The following SIPA1L3 variants were observed in gnomAD, a reference collection of about 807,000 sequenced individuals.
SIPA1L3 encodes signal-induced proliferation-associated 1-like protein 3.
In SIPA1L3, 59 loss-of-function variants were observed where a neutral mutation model predicts 150.1. The ratio of observed to expected loss-of-function variants is 0.39; its 90% CI spans 0.32 to 0.49. The LOEUF (loss-of-function observed/expected upper bound fraction) is 0.49. Ranked by LOEUF, SIPA1L3 falls within the 20% of genes least tolerant of loss-of-function variation. SIPA1L3 has a pLI of 0.86. For missense variants in SIPA1L3, 2,211 were observed against 2,489.5 expected, an observed-to-expected ratio of 0.89 and a Z score of 2.38; for synonymous variants, 1,070 against 1,077.6, an observed-to-expected ratio of 0.99 and a Z score of 0.14.
chr19:38,197,341 G>C (rs1426452386), intron 18 of SIPA1L3, among the ~76,000 whole-genome samples: 2 of 152,128 alleles, frequency 1.3e-5, no homozygotes, highest in Non-Finnish European at 2.9e-5. Context: ...CCCCAGGCCA[G>C]AGCCCGAGCC....
At chr19:38,066,488 T>C (rs1273604890) in intron 2 of SIPA1L3, among the ~76,000 whole-genome samples, 1 of 152,220 alleles carries the variant, frequency 6.6e-6, no homozygotes, top group East Asian at 1.9e-4. Context: ...CTGGTGTTAT[T>C]ATCAGAGAGA....
chr19:38,051,845 T>C (rs1034714949), intron 2 of SIPA1L3, among the ~76,000 whole-genome samples: 17 of 152,176 alleles, frequency 1.1e-4, no homozygotes, highest in Admixed American at 4.6e-4. Flanking sequence ...AGTGTTCCCG[T>C]CTTGGCCTCC....
chr19:37,959,724 TTCC>T (rs1299227795), intron 1 of SIPA1L3, among the ~76,000 whole-genome samples: 1 of 152,202 alleles, frequency 6.6e-6, no homozygotes, highest in East Asian at 1.9e-4. Context: ...CACATCTTTT[TTCC>T]TCCTTTTATT....
chr19:38,013,962 A>G (rs1160855435), intron 1 of SIPA1L3, among the ~76,000 whole-genome samples: 1 of 152,268 alleles, frequency 6.6e-6, no homozygotes, highest in Non-Finnish European at 1.5e-5. Flanking sequence ...TTGATGTAAA[A>G]TACAGCGACA....
chr19:37,943,032 CTCTTT>C (rs750642820), intron 1 of SIPA1L3, among the ~76,000 whole-genome samples: 1 of 114,576 alleles, frequency 8.7e-6, no homozygotes. Context: ...CTCTCTCTCT[CTCTTT>C]TTTTTTTTTT....
intron 18 of SIPA1L3, 41 bp from the exon 19 acceptor site, chr19:38,198,348 T>A (rs1973011456): frequency 1.4e-6 from 2 of 1,470,990 alleles, no homozygotes; most frequent in Non-Finnish European, 1.8e-6. Context: ...TCTCCCGCAT[T>A]GTCACACTCA....
intron 16 of SIPA1L3, among the ~76,000 whole-genome samples, chr19:38,190,297 C>A (rs1343267168): frequency 6.6e-6 from 1 of 152,146 alleles, no homozygotes; most frequent in Non-Finnish European, 1.5e-5. Flanking sequence ...GCAGGGCATT[C>A]TGGGAAATAT....
chr19:37,936,134 A>G (rs2046598258), intron 1 of SIPA1L3, among the ~76,000 whole-genome samples: 1 of 152,176 alleles, frequency 6.6e-6, no homozygotes, highest in African/African-American at 2.4e-5. Flanking sequence ...AAGAAGCCAA[A>G]GCCTTCCCTG....
At chr19:38,127,657 ATT>A (rs530786433) in intron 9 of SIPA1L3, among the ~76,000 whole-genome samples, 1 of 149,924 alleles carries the variant, frequency 6.7e-6, no homozygotes, top group Non-Finnish European at 1.5e-5. Context: ...TGCTCAGCTA[ATT>A]TTTTTTTTAT....
chr19:38,057,471 C>G (rs1599967024), intron 2 of SIPA1L3, among the ~76,000 whole-genome samples: 1 of 151,836 alleles, frequency 6.6e-6, no homozygotes, highest in South Asian at 2.1e-4. Context: ...ATCTGCATAG[C>G]CTATAGATGT....
intron 11 of SIPA1L3, 69 bp downstream of exon 11, chr19:38,141,504 C>T (rs1041727880): frequency 6.8e-7 from 1 of 1,468,436 alleles, no homozygotes; most frequent in African/African-American, 1.4e-5. Context: ...CCGCCCCTCC[C>T]TCTCCTCACT....
intron 1 of SIPA1L3, among the ~76,000 whole-genome samples, chr19:37,923,931 T>G: frequency 6.6e-6 from 1 of 151,946 alleles, no homozygotes; most frequent in Non-Finnish European, 1.5e-5. Flanking sequence ...CTAGTTTGTT[T>G]GTTGTTGTTG....
intron 15 of SIPA1L3, among the ~76,000 whole-genome samples, chr19:38,172,497 C>T (rs1295591041): frequency 6.6e-6 from 1 of 152,082 alleles, no homozygotes; most frequent in African/African-American, 2.4e-5. Context: ...GGAGGAAAGG[C>T]AAAAACAGCG....
At chr19:37,911,678 A>G (rs1337655888) in intron 1 of SIPA1L3, among the ~76,000 whole-genome samples, 1 of 151,144 alleles carries the variant, frequency 6.6e-6, no homozygotes, top group Non-Finnish European at 1.5e-5. Context: ...CGCCCGGCTA[A>G]TTTTTTGTAT....
At chr19:38,159,124 G>A (rs1343736104) in intron 13 of SIPA1L3, among the ~76,000 whole-genome samples, 1 of 152,234 alleles carries the variant, frequency 6.6e-6, no homozygotes, top group Non-Finnish European at 1.5e-5. Context: ...GGTGGACAAA[G>A]AGGCCAGCCT....
chr19:38,110,310 C>T lies in SIPA1L3; in HGVS notation c.2217C>T (p.Asn739=), dbSNP rs755882081. ...GCGCGCTACCGTTCACCCCCAAGAA[C>T]ATCCGCTCCCACTTCCAGCACGTCT... The part of the protein sequence containing the change: ...EPGALPFTPK[N]IRSHFQHVFI... Residue 739 remains asparagine, a synonymous_variant, in exon 8 of 22, where the codon AAC becomes AAT. Transcript: ENST00000222345. 2 of 1,614,202 alleles carry T rather than the reference C, an allele frequency of 1.2e-6. No homozygotes were observed. The highest frequency in any genetic ancestry group is 2.2e-5 in the South Asian group (2 of 91,084).
At chr19:37,949,665 A>G (rs892879638) in intron 1 of SIPA1L3, among the ~76,000 whole-genome samples, 7 of 148,370 alleles carry the variant, frequency 4.7e-5, no homozygotes, top group African/African-American at 1.7e-4. Context: ...CTCTGTCTCA[A>G]AAAAAAAAAA....
chr19:37,929,803 T>C (rs1337947485), intron 1 of SIPA1L3, among the ~76,000 whole-genome samples: 1 of 152,204 alleles, frequency 6.6e-6, no homozygotes, highest in African/African-American at 2.4e-5. Flanking sequence ...TGGCCTCTGC[T>C]ATTAACATAT....
intron 1 of SIPA1L3, among the ~76,000 whole-genome samples, chr19:37,976,248 T>C (rs1421256338): frequency 3.3e-5 from 5 of 151,962 alleles, no homozygotes; most frequent in Non-Finnish European, 7.4e-5. Context: ...CTGGAGGGGA[T>C]TTCCTTGGGT....
Sources: gnomAD v4.1 joint callset for allele counts (sites outside exome capture counted in the v4.1 genomes callset) on GRCh38, gnomAD v4.1.1 for gene constraint, MANE v1.5 for transcripts, NCBI Gene and HGNC (gene_info 2026-07-23, HGNC 2026-07-21) for gene names.